EXOSC6: variants seen among roughly 807,000 people sequenced by gnomAD.
EXOSC6 encodes exosome complex component MTR3.
EXOSC6 carries 21 observed loss-of-function variants against 16.7 expected under a neutral mutation model. The ratio of observed to expected loss-of-function variants is 1.26; its 90% CI spans 0.89 to 1.82. The LOEUF is 1.82. Among genes scored for constraint, EXOSC6 ranks in the 40% most tolerant of loss-of-function variants. The pLI, the probability that EXOSC6 is intolerant of heterozygous loss-of-function variation, is 0.00. For synonymous variants in EXOSC6, 297 were observed against 217.1 expected (o/e 1.37, Z -3.24); for missense variants, 538 against 415.7 (o/e 1.29, Z -2.56).
rs1467001756 is a variant in EXOSC6, at chr16:70,248,322, TCAA to T, written c.*2757_*2759del. The T allele has an allele frequency of 6.6e-6, 1 of 150,996 alleles. No homozygotes were observed. Among genetic ancestry groups the T allele is most frequent in the Non-Finnish European group, 1.5e-5 (1 of 68,044 alleles). 9.4% of individuals were successfully genotyped at this position (150,996 alleles called of 1,614,324 possible). A position where few individuals can be genotyped will look rare whatever the true frequency, so the allele number is the denominator to read the frequency against. On this transcript the variant is annotated 3_prime_UTR_variant, in exon 1 of 1. Coordinates refer to ENST00000435634, the MANE Select transcript of EXOSC6 (RefSeq NM_058219.3). ...CATCATGTGTATGGTTTTCAGATGC[TCAA>T]CAAAAGTGTGTGAGAAAATAAAACT...
chr16:70,251,463 C>T lies in EXOSC6; in HGVS notation c.438G>A (p.Val146=). 7.5e-7 allele frequency: 1 copy of T among 1,334,948 alleles called. No homozygotes were observed. Among genetic ancestry groups the T allele is most frequent in the Non-Finnish European group, 9.6e-7 (1 of 1,042,928 alleles). The allele number at this position is 1,334,948 out of a possible 1,614,324, so 82.7% of individuals were successfully genotyped here. The part of the protein sequence containing the change: ...LGRYPRAQLE[V]SALLLEDGGS... ...CACCGTCCTCCAGCAGCAGCGCCGA[C>T]ACCTCGAGCTGCGCGCGCGGGTAGC... The change falls in exon 1 of 1, where the codon GTG becomes GTA. Residue 146 remains valine, a synonymous_variant. Coordinates refer to ENST00000435634, the MANE Select transcript of EXOSC6 (RefSeq NM_058219.3).
rs558409992 is a variant in EXOSC6 at position 70,251,142 on chromosome 16, G to A, written c.759C>T (p.Pro253=). Residue 253 remains proline (P), a synonymous_variant, in exon 1 of 1, where the codon CCC becomes CCT. Coordinates refer to ENST00000435634, the MANE Select transcript of EXOSC6 (RefSeq NM_058219.3). ...LGLEGCQRLY[P]VLQQSLVRAA... is the part of the protein sequence containing the mutation. ...CCCGCACCAGGCTCTGCTGCAGCAC[G>A]GGGTAGAGGCGCTGGCAGCCCTCGA... The A allele has an allele frequency of 4.6e-6, 7 of 1,532,686 alleles. No individual in the cohort carries two copies. In the Admixed American group the frequency reaches 7.8e-5, roughly 17 times the overall value. 94.9% of individuals were successfully genotyped at this position (1,532,686 alleles called of 1,614,324 possible).
In EXOSC6 at chr16:70,247,022, G is replaced by T. The variant is rs1023906277; in HGVS notation, c.*4060C>A. 8.6e-6 allele frequency: 4 copies of T among 465,442 alleles called. No individual in the cohort carries two copies. Among genetic ancestry groups the T allele is most frequent in the South Asian group, 3.3e-5 (2 of 61,090 alleles). 28.8% of individuals were successfully genotyped at this position (465,442 alleles called of 1,614,324 possible). ...TAGTGTGGAGAAAACAAGCAAATTAGGTTATTTACTAAGTGACTACATAAA... is the reference window on the plus strand; with the variant it reads ...TAGTGTGGAGAAAACAAGCAAATTATGTTATTTACTAAGTGACTACATAAA... On this transcript the variant is annotated 3_prime_UTR_variant, in exon 1 of 1. Coordinates refer to ENST00000435634, the MANE Select transcript of EXOSC6 (RefSeq NM_058219.3).
Position 70,247,636 on chromosome 16 carries a change from AAAT to A in EXOSC6, c.*3443_*3445del, listed in dbSNP as rs1370946154. ...AATTTTTAAAATAAATATATGGCAA[AAAT>A]AATAATTGTCATTCCATTGAAAGAA... On this transcript the variant is annotated 3_prime_UTR_variant, in exon 1 of 1. Transcript: ENST00000435634. 1.3e-5 allele frequency: 2 copies of A among 152,324 alleles called. No individual in the cohort carries two copies. The highest frequency in any genetic ancestry group is 1.3e-4 in the Admixed American group (2 of 15,298). 9.4% of individuals were successfully genotyped at this position (152,324 alleles called of 1,614,324 possible).
In EXOSC6 at chr16:70,247,312, C is replaced by T. The variant is rs1194135639; in HGVS notation, c.*3770G>A. 1 of 154,000 alleles carries T rather than the reference C, an allele frequency of 6.5e-6. No homozygotes were observed. Among genetic ancestry groups the T allele is most frequent in the African/African-American group, 2.4e-5 (1 of 41,326 alleles). The allele number at this position is 154,000 out of a possible 1,614,324, so 9.5% of individuals were successfully genotyped here. ...CTCCACTAAGATGTTAAGCTAAAAA[C>T]AAATACTGTTTTCTCTTCTTCAATG... On this transcript the variant is annotated 3_prime_UTR_variant, in exon 1 of 1. Transcript: ENST00000435634.
At position 70,248,498 on chromosome 16, in the gene EXOSC6, C is replaced by T. The variant is rs1567598026; in HGVS notation, c.*2584G>A. On this transcript the variant is annotated 3_prime_UTR_variant, in exon 1 of 1. Transcript: ENST00000435634. ...AGCTGGGAAAATGTTCATAATTATG[C>T]ATGCAGAATAAGCCCAAGCTGGTGG... 1 of 152,112 alleles carries T rather than the reference C, an allele frequency of 6.6e-6. No homozygotes were observed. The highest frequency in any genetic ancestry group is 2.4e-5 in the African/African-American group (1 of 41,400). The allele number at this position is 152,112 out of a possible 1,614,324, so 9.4% of individuals were successfully genotyped here.
rs764555739 is a variant in EXOSC6, at chr16:70,251,344, C to A, written c.557G>T (p.Ser186Ile). Residue 186 changes from serine (S) to isoleucine (I), a missense_variant, in exon 1 of 1, where the codon AGC becomes ATC. Ser to Ile is a moderately radical substitution (Grantham distance 142). Coordinates refer to ENST00000435634, the MANE Select transcript of EXOSC6 (RefSeq NM_058219.3). Reference protein sequence around the residue: ...MYDLVVGCGLSLAPGPAPTWL... With the variant: ...MYDLVVGCGLILAPGPAPTWL... ...GGTGGGCGCGGGCCCCGGCGCGAGG[C>A]TGAGGCCGCAGCCCACCACCAGGTC... The A allele has an allele frequency of 9.4e-6, 13 of 1,380,668 alleles. No individual in the cohort carries two copies. The highest frequency in any genetic ancestry group is 4.7e-6 in the Non-Finnish European group (5 of 1,073,348). The allele number at this position is 1,380,668 out of a possible 1,614,324, so 85.5% of individuals were successfully genotyped here.
Position 70,248,188 on chromosome 16 carries a change from CAT to C in EXOSC6, c.*2892_*2893del, listed in dbSNP as rs1316172074. Reference sequence around the variant, plus strand: ...ATTACAGAAATTTGAATATAGAACACATATGTAATAAAATTCATTTTCTTAGG... The same window carrying C: ...ATTACAGAAATTTGAATATAGAACACATGTAATAAAATTCATTTTCTTAGG... On this transcript the variant is annotated 3_prime_UTR_variant, in exon 1 of 1. Coordinates refer to ENST00000435634, the MANE Select transcript of EXOSC6 (RefSeq NM_058219.3). The C allele has an allele frequency of 1.3e-5, 2 of 152,102 alleles. No individual in the cohort carries two copies. Among genetic ancestry groups the C allele is most frequent in the Non-Finnish European group, 2.9e-5 (2 of 68,040 alleles). 9.4% of individuals were successfully genotyped at this position (152,102 alleles called of 1,614,324 possible).
In EXOSC6 at chr16:70,251,420, C is replaced by T; in HGVS notation, c.481G>A (p.Ala161Thr). 7.5e-7 allele frequency: 1 copy of T among 1,338,090 alleles called. No individual in the cohort carries two copies. The highest frequency in any genetic ancestry group is 9.5e-7 in the Non-Finnish European group (1 of 1,051,230). 82.9% of individuals were successfully genotyped at this position (1,338,090 alleles called of 1,614,324 possible). ...LEDGGSALAA[A>T]LTAAALALAD... ...AGGGCGAGCGCGGCGGCGGTGAGCG[C>T]GGCGGCCAGGGCCGAGCCACCGTCC... Residue 161 changes from alanine (A) to threonine (T), a missense_variant, in exon 1 of 1, where the codon GCG (alanine) becomes ACG (threonine). By Grantham distance (58) the Ala-to-Thr change is moderately conservative. Transcript: ENST00000435634.
At position 70,251,713 on chromosome 16, in the gene EXOSC6, A is replaced by G. The variant is rs965571865; in HGVS notation, c.188T>C (p.Leu63Pro). ...CTGTCGCGGGCCCGACACGGCACAC[A>G]GCACCTTGGTGCCTCCCGCCTCCAG... is the stretch of plus-strand genomic sequence containing the variant. ...AYLEAGGTKV[L>P]CAVSGPRQAE... The change falls in exon 1 of 1, where the codon CTG (leucine) becomes CCG (proline). Residue 63 changes from leucine to proline, a missense_variant. Coordinates refer to ENST00000435634, the MANE Select transcript of EXOSC6 (RefSeq NM_058219.3). 6.5e-6 allele frequency: 9 copies of G among 1,379,122 alleles called. No individual in the cohort carries two copies. The highest frequency in any genetic ancestry group is 8.4e-6 in the Non-Finnish European group (9 of 1,076,654). The allele number at this position is 1,379,122 out of a possible 1,614,324, so 85.4% of individuals were successfully genotyped here. A position where few individuals can be genotyped will look rare whatever the true frequency, so the allele number is the denominator to read the frequency against.
Position 70,248,451 on chromosome 16 carries a change from T to C in EXOSC6, c.*2631A>G, listed in dbSNP as rs1346103330. 2 of 152,206 alleles carry C rather than the reference T, an allele frequency of 1.3e-5. No homozygotes were observed. The highest frequency in any genetic ancestry group is 2.9e-5 in the Non-Finnish European group (2 of 68,040). 9.4% of individuals were successfully genotyped at this position (152,206 alleles called of 1,614,324 possible). A position where few individuals can be genotyped will look rare whatever the true frequency, so the allele number is the denominator to read the frequency against. Reference sequence around the variant, plus strand: ...TTTTACTGGTGCATCTATCTTTCTATGAATGTGAGAATTTTCACAAGAGCT... The same window carrying C: ...TTTTACTGGTGCATCTATCTTTCTACGAATGTGAGAATTTTCACAAGAGCT... On this transcript the variant is annotated 3_prime_UTR_variant, in exon 1 of 1. Coordinates refer to ENST00000435634, the MANE Select transcript of EXOSC6 (RefSeq NM_058219.3).
chr16:70,248,136 A>T lies in EXOSC6; in HGVS notation c.*2946T>A, dbSNP rs1959729144. On this transcript the variant is annotated 3_prime_UTR_variant, in exon 1 of 1. Transcript: ENST00000435634. Reference sequence around the variant, plus strand: ...ACAGGCACAGACTATCAATGCTAAAAATCATTTAAAAGACATCTTAGGGGT... The same window carrying T: ...ACAGGCACAGACTATCAATGCTAAATATCATTTAAAAGACATCTTAGGGGT... 6.6e-6 allele frequency: 1 copy of T among 152,352 alleles called. No individual in the cohort carries two copies. Among genetic ancestry groups the T allele is most frequent in the Non-Finnish European group, 1.5e-5 (1 of 68,036 alleles). The allele number at this position is 152,352 out of a possible 1,614,324, so 9.4% of individuals were successfully genotyped here.
rs758757192 is a variant in EXOSC6 at position 70,251,934 on chromosome 16, A to G, written c.-34T>C. 1 of 1,456,178 alleles carries G rather than the reference A, an allele frequency of 6.9e-7. No homozygotes were observed. Among genetic ancestry groups the G allele is most frequent in the South Asian group, 1.3e-5 (1 of 74,312 alleles). The allele number at this position is 1,456,178 out of a possible 1,614,324, so 90.2% of individuals were successfully genotyped here. A position where few individuals can be genotyped will look rare whatever the true frequency, so the allele number is the denominator to read the frequency against. The stretch of plus-strand genomic sequence containing the variant: ...TTGGCGTGCGAACCCCTTCCGCCCA[A>G]CGCCCTGCCGCATCCACTGGTTCTT... On this transcript the variant is annotated 5_prime_UTR_variant, in exon 1 of 1. Coordinates refer to ENST00000435634, the MANE Select transcript of EXOSC6 (RefSeq NM_058219.3).
rs1371222886 is a variant in EXOSC6 at position 70,248,884 on chromosome 16, G to A, written c.*2198C>T. On this transcript the variant is annotated 3_prime_UTR_variant, in exon 1 of 1. Coordinates refer to ENST00000435634, the MANE Select transcript of EXOSC6 (RefSeq NM_058219.3). ...ACCAGCCTCAGCCTCCCACAGTGCT[G>A]GGGTTACAGGAGTGAGCCACCATGC... The A allele has an allele frequency of 1.4e-5, 2 of 147,018 alleles. No individual in the cohort carries two copies. The highest frequency in any genetic ancestry group is 5.0e-5 in the African/African-American group (2 of 39,730). The allele number at this position is 147,018 out of a possible 1,614,324, so 9.1% of individuals were successfully genotyped here. A position where few individuals can be genotyped will look rare whatever the true frequency, so the allele number is the denominator to read the frequency against.
rs924846247 is a variant in EXOSC6 at position 70,247,375 on chromosome 16, T to C, written c.*3707A>G. On this transcript the variant is annotated 3_prime_UTR_variant, in exon 1 of 1. Coordinates refer to ENST00000435634, the MANE Select transcript of EXOSC6 (RefSeq NM_058219.3). ...AGTCCTTAATAACATCTGTTTACAATATCCCTAAATGCTCTCTTTAAGATT... is the reference window on the plus strand; with the variant it reads ...AGTCCTTAATAACATCTGTTTACAACATCCCTAAATGCTCTCTTTAAGATT... 1 of 152,528 alleles carries C rather than the reference T, an allele frequency of 6.6e-6. No homozygotes were observed. Among genetic ancestry groups the C allele is most frequent in the African/African-American group, 2.4e-5 (1 of 41,474 alleles). 9.4% of individuals were successfully genotyped at this position (152,528 alleles called of 1,614,324 possible).
In EXOSC6 at chr16:70,247,378, C is replaced by A. The variant is rs539396388; in HGVS notation, c.*3704G>T. The A allele has an allele frequency of 6.6e-6, 1 of 152,260 alleles. No homozygotes were observed. 9.4% of individuals were successfully genotyped at this position (152,260 alleles called of 1,614,324 possible). On this transcript the variant is annotated 3_prime_UTR_variant, in exon 1 of 1. Transcript: ENST00000435634. ...CCTTAATAACATCTGTTTACAATAT[C>A]CCTAAATGCTCTCTTTAAGATTCCA...
Position 70,251,695 on chromosome 16 carries a change from G to C in EXOSC6, c.206C>G (p.Pro69Arg), listed in dbSNP as rs1004288370. 3.1e-6 allele frequency: 4 copies of C among 1,292,018 alleles called. No homozygotes were observed. In the African/African-American group the frequency reaches 4.7e-5, roughly 15 times the overall value. 80.0% of individuals were successfully genotyped at this position (1,292,018 alleles called of 1,614,324 possible). ...GTKVLCAVSG[P>R]RQAEGGERGG... ...GCGCTCGCCGCCCTCGGCCTGTCGC[G>C]GGCCCGACACGGCACACAGCACCTT... is the stretch of plus-strand genomic sequence containing the variant. The change falls in exon 1 of 1, where the codon CCG becomes CGG. Residue 69 changes from proline (P) to arginine (R), a missense_variant. Pro to Arg is a moderately radical substitution (Grantham distance 103, BLOSUM62 -2). Coordinates refer to ENST00000435634, the MANE Select transcript of EXOSC6 (RefSeq NM_058219.3).
Position 70,248,441 on chromosome 16 carries a change from T to C in EXOSC6, c.*2641A>G, listed in dbSNP as rs1223005226. ...CAGGTATTTATTTTACTGGTGCATC[T>C]ATCTTTCTATGAATGTGAGAATTTT... On this transcript the variant is annotated 3_prime_UTR_variant, in exon 1 of 1. Coordinates refer to ENST00000435634, the MANE Select transcript of EXOSC6 (RefSeq NM_058219.3). 1 of 152,152 alleles carries C rather than the reference T, an allele frequency of 6.6e-6. No individual in the cohort carries two copies. The highest frequency in any genetic ancestry group is 1.5e-5 in the Non-Finnish European group (1 of 68,028). The allele number at this position is 152,152 out of a possible 1,614,324, so 9.4% of individuals were successfully genotyped here. A position where few individuals can be genotyped will look rare whatever the true frequency, so the allele number is the denominator to read the frequency against.
In EXOSC6 at chr16:70,250,191, A is replaced by G. The variant is rs1201749843; in HGVS notation, c.*891T>C. 1 of 152,190 alleles carries G rather than the reference A, an allele frequency of 6.6e-6. No individual in the cohort carries two copies. Among genetic ancestry groups the G allele is most frequent in the Non-Finnish European group, 1.5e-5 (1 of 68,038 alleles). The allele number at this position is 152,190 out of a possible 1,614,324, so 9.4% of individuals were successfully genotyped here. A position where few individuals can be genotyped will look rare whatever the true frequency, so the allele number is the denominator to read the frequency against. On this transcript the variant is annotated 3_prime_UTR_variant, in exon 1 of 1. Transcript: ENST00000435634. Reference sequence around the variant, plus strand: ...CAAGCAAAGCCAGAAGAGAATAAATAGCAAATGAATGAAAACTAGAAGCAA... The same window carrying G: ...CAAGCAAAGCCAGAAGAGAATAAATGGCAAATGAATGAAAACTAGAAGCAA...
Sources: gnomAD v4.1 joint callset for allele counts on GRCh38, gnomAD v4.1.1 for gene constraint, MANE v1.5 for transcripts, NCBI Gene and HGNC (gene_info 2026-07-23, HGNC 2026-07-21) for gene names.